The following DLGAP2 variants were observed in gnomAD, a reference collection of about 807,000 sequenced individuals.
The protein encoded by DLGAP2 is disks large-associated protein 2.
Under a neutral mutation model 100.3 loss-of-function variants are expected in DLGAP2, and 26 were observed. The observed-to-expected ratio is 0.26, with a 90% CI of 0.19 to 0.36. The LOEUF (loss-of-function observed/expected upper bound fraction) is 0.36. DLGAP2 is among the 10% of genes least tolerant of loss of function. The pLI is 1.00. For synonymous variants in DLGAP2, 886 were observed against 630.1 expected, an observed-to-expected ratio of 1.41 and a Z score of -6.08; for missense variants, 1,858 against 1,453.2, an observed-to-expected ratio of 1.28 and a Z score of -4.53.
At chr8:1,654,396 T>C (rs1044788952) in intron 8 of DLGAP2, among the ~76,000 whole-genome samples, 21 of 151,980 alleles carry the variant, frequency 1.4e-4, no homozygotes, top group Non-Finnish European at 1.9e-4. Flanking sequence ...GCATGGTGGC[T>C]CACGCCTGTA....
At chr8:1,454,596 C>G (rs1798253135) in intron 3 of DLGAP2, among the ~76,000 whole-genome samples, 1 of 152,156 alleles carries the variant, frequency 6.6e-6, no homozygotes, top group African/African-American at 2.4e-5. Context: ...CAAGATTCAT[C>G]TCCATTAAGA....
intron 2 of DLGAP2, among the ~76,000 whole-genome samples, chr8:1,217,604 G>T (rs541807767): frequency 6.6e-6 from 1 of 152,142 alleles, no homozygotes; most frequent in South Asian, 2.1e-4. Flanking sequence ...AATTCTCATT[G>T]TAGAGACCTT....
intron 3 of DLGAP2, among the ~76,000 whole-genome samples, chr8:1,480,095 G>A (rs1799048373): frequency 6.6e-6 from 1 of 152,168 alleles, no homozygotes; most frequent in African/African-American, 2.4e-5. Context: ...TCCCAGGGAC[G>A]CCCCGCGCAG....
chr8:818,877 A>C (rs1796534825), intron 1 of DLGAP2, among the ~76,000 whole-genome samples: 1 of 152,240 alleles, frequency 6.6e-6, no homozygotes, highest in African/African-American at 2.4e-5. Context: ...GGTGACTATA[A>C]ATGATATAAA....
At chr8:801,168 G>A (rs2132655028) in intron 1 of DLGAP2, among the ~76,000 whole-genome samples, 1 of 152,358 alleles carries the variant, frequency 6.6e-6, no homozygotes, top group East Asian at 1.9e-4. Flanking sequence ...TCACTTCACA[G>A]AGTACTGGGT....
chr8:915,893 G>T (rs538675979), intron 2 of DLGAP2, among the ~76,000 whole-genome samples: 1 of 145,922 alleles, frequency 6.9e-6, no homozygotes, highest in Non-Finnish European at 1.5e-5. Flanking sequence ...CATGGTTTCC[G>T]TGTGTGTTAA....
chr8:955,812 A>C (rs533634322), intron 2 of DLGAP2, among the ~76,000 whole-genome samples: 2 of 152,314 alleles, frequency 1.3e-5, no homozygotes, highest in South Asian at 2.1e-4. Context: ...TGTTGAACAA[A>C]TGTGGTGCCC....
intron 3 of DLGAP2, among the ~76,000 whole-genome samples, chr8:1,305,762 T>A (rs1403487620): frequency 1.3e-5 from 2 of 152,168 alleles, no homozygotes; most frequent in Non-Finnish European, 2.9e-5. Flanking sequence ...GTTCCTTCAG[T>A]AAATCAGGAC....
At chr8:1,242,250 G>T (rs1307535981) in intron 2 of DLGAP2, among the ~76,000 whole-genome samples, 1 of 152,212 alleles carries the variant, frequency 6.6e-6, no homozygotes, top group African/African-American at 2.4e-5. Flanking sequence ...TTGTGGAAGA[G>T]GGGAGGTCGG....
intron 3 of DLGAP2, among the ~76,000 whole-genome samples, chr8:1,355,837 C>T (rs1801836699): frequency 6.6e-6 from 1 of 152,172 alleles, no homozygotes; most frequent in Non-Finnish European, 1.5e-5. Context: ...CCAGCCAGTC[C>T]CTCAAAGCTA....
At chr8:882,364 C>CA (rs1797822943) in intron 1 of DLGAP2, among the ~76,000 whole-genome samples, 2 of 150,418 alleles carry the variant, frequency 1.3e-5, no homozygotes, top group Non-Finnish European at 3.0e-5. Flanking sequence ...GCCTCCCCTG[C>CA]GCGCACCCTC....
intron 1 of DLGAP2, among the ~76,000 whole-genome samples, chr8:768,143 G>C (rs1821262323): frequency 6.6e-6 from 1 of 152,198 alleles, no homozygotes; most frequent in South Asian, 2.1e-4. Context: ...TTGTCCAGTT[G>C]GGTTTGAAAT....
chr8:823,113 A>G (rs1458830795), intron 1 of DLGAP2, among the ~76,000 whole-genome samples: 2 of 151,828 alleles, frequency 1.3e-5, no homozygotes, highest in African/African-American at 4.8e-5. Context: ...TCCTTCTTTT[A>G]CGTCTCACTT....
intron 1 of DLGAP2, among the ~76,000 whole-genome samples, chr8:901,987 A>G (rs1224390136): frequency 6.6e-6 from 1 of 152,062 alleles, no homozygotes; most frequent in African/African-American, 2.4e-5. Context: ...CCCCCACTGG[A>G]CCCCACCTGT....
At chr8:1,086,923 G>C (rs1308498168) in intron 2 of DLGAP2, among the ~76,000 whole-genome samples, 2 of 152,126 alleles carry the variant, frequency 1.3e-5, no homozygotes, top group African/African-American at 4.8e-5. Context: ...AATAAATACA[G>C]AACATTGCCA....
intron 5 of DLGAP2, among the ~76,000 whole-genome samples, chr8:1,549,918 TA>T (rs377029232): frequency 4.5e-4 from 69 of 152,370 alleles, no homozygotes; most frequent in African/African-American, 1.6e-3. Context: ...GATTTCCACC[TA>T]TTCAATACGT....
chr8:898,887 C>T (rs886557010), intron 1 of DLGAP2, among the ~76,000 whole-genome samples: 12 of 152,188 alleles, frequency 7.9e-5, no homozygotes, highest in East Asian at 1.9e-4. Flanking sequence ...GTGAGCCCTG[C>T]GCATCAGAGA....
intron 2 of DLGAP2, among the ~76,000 whole-genome samples, chr8:937,431 A>G (rs1294469593): frequency 1.3e-5 from 2 of 152,176 alleles, no homozygotes; most frequent in Non-Finnish European, 2.9e-5. Flanking sequence ...CCCCATGACT[A>G]TGAGAGAGAC....
intron 1 of DLGAP2, among the ~76,000 whole-genome samples, chr8:857,354 C>G (rs1012439117): frequency 1.3e-5 from 2 of 152,182 alleles, no homozygotes; most frequent in African/African-American, 2.4e-5. Context: ...TTAAAATGAA[C>G]AGCTTCTGCT....
Sources: allele counts gnomAD v4.1 joint callset (sites outside exome capture counted in the v4.1 genomes callset), GRCh38; gene constraint gnomAD v4.1.1; transcripts MANE v1.5; gene names NCBI Gene and HGNC (gene_info 2026-07-23, HGNC 2026-07-21).